The following ANKS1A variants were observed in gnomAD, a reference collection of about 807,000 sequenced individuals.
The protein encoded by ANKS1A is ankyrin repeat and SAM domain-containing protein 1A.
A neutral mutation model predicts 120.3 loss-of-function variants in ANKS1A; 55 were observed. The ratio of observed to expected loss-of-function variants is 0.46; its 90% CI spans 0.37 to 0.57. ANKS1A has a LOEUF of 0.57. ANKS1A is among the 20% of genes least tolerant of loss of function. The pLI is 0.00. For missense variants in ANKS1A, 1,123 were observed against 1,480.3 expected (o/e 0.76, Z 3.96); for synonymous variants, 590 against 604.7 (o/e 0.98, Z 0.36).
chr6:35,083,003 T>G (rs911679777), intron 18 of ANKS1A, 152 bp from the exon 19 acceptor site: 1 of 1,248,878 alleles, frequency 8.0e-7, no homozygotes, highest in Admixed American at 2.4e-5. Context: ...AGCTAGGGAG[T>G]TGAATGGAGG....
intron 23 of ANKS1A, among the ~76,000 whole-genome samples, chr6:35,087,413 C>G (rs9380488): frequency 0.043 from 6,532 of 152,258 alleles, 293 homozygotes; most frequent in East Asian, 0.23. Context: ...AGCAGGATCC[C>G]AACGGCACTG....
chr6:35,053,992 G>C, intron 11 of ANKS1A, 107 bp from the exon 12 acceptor site: 1 of 849,588 alleles, frequency 1.2e-6, no homozygotes, highest in East Asian at 2.6e-5. Context: ...GTCCTGGGAA[G>C]CATCTGAAAG....
At chr6:35,020,769 C>T (rs757022628) in intron 11 of ANKS1A, among the ~76,000 whole-genome samples, 6 of 152,102 alleles carry the variant, frequency 3.9e-5, no homozygotes, top group Non-Finnish European at 7.3e-5. Context: ...CTCTTTGCAT[C>T]GAGAGGAGTT....
At position 35,017,832 on chromosome 6, in the gene ANKS1A, G is replaced by C; in HGVS notation, c.1783G>C (p.Ala595Pro). 2 of 1,614,220 alleles carry C rather than the reference G, an allele frequency of 1.2e-6. No individual in the cohort carries two copies. Among genetic ancestry groups the C allele is most frequent in the African/African-American group, 2.7e-5 (2 of 75,060 alleles). ...THTASPHPGG[A>P]EEGDRSGARS... ...CACAGCATCTCCGCACCCTGGTGGT[G>C]CTGAGGAAGGAGACCGGAGTGGGGC... is the stretch of plus-strand genomic sequence containing the variant. Residue 595 changes from alanine (A) to proline (P), a missense_variant, in exon 11 of 24, where the codon GCT (alanine) becomes CCT (proline). Coordinates refer to ENST00000360359, the MANE Select transcript of ANKS1A (RefSeq NM_015245.3).
intron 19 of ANKS1A, 80 bp downstream of exon 19, chr6:35,083,306 C>G (rs891752081): frequency 1.3e-6 from 2 of 1,595,926 alleles, no homozygotes; most frequent in Admixed American, 3.3e-5. Context: ...CTGCAGTTGC[C>G]TGGGCCCTGC....
chr6:34,991,521 G>A (rs1772507216), intron 9 of ANKS1A, among the ~76,000 whole-genome samples: 1 of 138,436 alleles, frequency 7.2e-6, no homozygotes, highest in African/African-American at 2.7e-5. Flanking sequence ...TTTCCACATA[G>A]CCGGGAAAAA....
intron 10 of ANKS1A, among the ~76,000 whole-genome samples, chr6:34,998,928 C>A (rs558217206): frequency 3.3e-4 from 50 of 152,316 alleles, no homozygotes; most frequent in Admixed American, 8.5e-4. Flanking sequence ...AACATCCCTG[C>A]GGGGGACTCC....
At position 35,049,198 on chromosome 6, in the gene ANKS1A, C is replaced by T. The variant is rs982949568; in HGVS notation, c.2011-4901C>T. ...CCAGCAACTCAGAGAGTCAGAAAAA[C>T]GTAAAAATGAGGAGGGAAAGGGAGT... On this transcript the variant is annotated intron_variant, in intron 11 of 23. Transcript: ENST00000360359. Among the ~76,000 whole-genome samples, 9 of 152,176 alleles carry T rather than the reference C, an allele frequency of 5.9e-5. No homozygotes were observed. The South Asian group carries it at 1.9e-3, about 32-fold the overall frequency.
In ANKS1A at chr6:34,968,209, G is replaced by A. The variant is rs528527971; in HGVS notation, c.278+890G>A. Among the ~76,000 whole-genome samples, 15 of 152,220 alleles carry A rather than the reference G, an allele frequency of 9.9e-5. No individual in the cohort carries two copies. The South Asian group carries it at 2.9e-3, about 29-fold the overall frequency. ...GAACTGGGTGGGATTTGTGTGGAAC[G>A]TTCTCTGGAGGAGGCATGCTTTGGG... On this transcript the variant is annotated intron_variant, in intron 2 of 23. Transcript: ENST00000360359.
intron 1 of ANKS1A, among the ~76,000 whole-genome samples, chr6:34,896,918 C>T (rs1561834357): frequency 6.6e-6 from 1 of 151,852 alleles, no homozygotes; most frequent in African/African-American, 2.4e-5. Flanking sequence ...GAGCCAAGAT[C>T]GTGCCATTGC....
intron 10 of ANKS1A, among the ~76,000 whole-genome samples, chr6:35,000,215 T>TG (rs1030643069): frequency 6.6e-6 from 1 of 151,296 alleles, no homozygotes; most frequent in African/African-American, 2.4e-5. Flanking sequence ...ATGGCCCAGA[T>TG]GCATTCAATC....
chr6:35,004,064 TTC>T (rs1216096174), intron 10 of ANKS1A, among the ~76,000 whole-genome samples: 3 of 152,170 alleles, frequency 2.0e-5, no homozygotes, highest in Non-Finnish European at 4.4e-5. Flanking sequence ...TCCCGGTCTG[TTC>T]TGTTTCACTC....
chr6:35,063,697 G>A (rs553613626), intron 13 of ANKS1A, among the ~76,000 whole-genome samples: 3 of 152,304 alleles, frequency 2.0e-5, no homozygotes, highest in African/African-American at 4.8e-5. Context: ...GAGTGTAATC[G>A]TTTTTCTCCA....
Position 35,077,726 on chromosome 6 carries a change from C to T in ANKS1A, c.2185-832C>T, listed in dbSNP as rs116473718. 2.1e-3 allele frequency among the ~76,000 whole-genome samples: 319 copies of T among 152,312 alleles called. 2 individuals are homozygous for T. The highest frequency in any genetic ancestry group is 3.5e-3 in the Admixed American group (54 of 15,302). ...GCTGCCCAGGGTCCCCTCTTAGCTC[C>T]ACCACTAGATGTGTGATGTCAAGAA... On this transcript the variant is annotated intron_variant, in intron 13 of 23. Coordinates refer to ENST00000360359, the MANE Select transcript of ANKS1A (RefSeq NM_015245.3).
In ANKS1A at chr6:35,083,504, G is replaced by A; in HGVS notation, c.2994+1G>A. ...CAAGTTCATCGATGCCTCCAACAAGGTGTGCTGCTTACAGGGACTCTTGGT... is the reference window on the plus strand; with the variant it reads ...CAAGTTCATCGATGCCTCCAACAAGATGTGCTGCTTACAGGGACTCTTGGT... On this transcript the variant is annotated splice_donor_variant, in intron 20 of 23. Coordinates refer to ENST00000360359, the MANE Select transcript of ANKS1A (RefSeq NM_015245.3). LOFTEE classifies it high-confidence loss of function. 6.2e-7 allele frequency: 1 copy of A among 1,613,876 alleles called. No homozygotes were observed. The highest frequency in any genetic ancestry group is 8.5e-7 in the Non-Finnish European group (1 of 1,179,810).
intron 1 of ANKS1A, among the ~76,000 whole-genome samples, chr6:34,920,233 A>C (rs1439123026): frequency 1.3e-5 from 2 of 151,542 alleles, no homozygotes; most frequent in Non-Finnish European, 2.9e-5. Flanking sequence ...TTTATTTTTT[A>C]GAGACAAGGT....
intron 1 of ANKS1A, among the ~76,000 whole-genome samples, chr6:34,925,887 T>TACA (rs1291913264): frequency 6.6e-6 from 1 of 152,142 alleles, no homozygotes; most frequent in African/African-American, 2.4e-5. Flanking sequence ...ATGCTATAAA[T>TACA]TTCATACAGC....
Position 35,091,229 on chromosome 6 carries a change from C to G in ANKS1A, c.*2620C>G, listed in dbSNP as rs1778290530. The stretch of plus-strand genomic sequence containing the variant: ...AAATTGTTAATCTGTCTGATTTTGT[C>G]TGAATTATAAACACTTTGAGGTACC... On this transcript the variant is annotated 3_prime_UTR_variant, in exon 24 of 24. Transcript: ENST00000360359. The G allele has an allele frequency of 1.0e-6, 1 of 985,840 alleles. No homozygotes were observed. The highest frequency in any genetic ancestry group is 1.2e-6 in the Non-Finnish European group (1 of 829,914). 61.1% of individuals were successfully genotyped at this position (985,840 alleles called of 1,614,324 possible).
At chr6:34,899,923 T>G (rs934683457) in intron 1 of ANKS1A, among the ~76,000 whole-genome samples, 1 of 152,244 alleles carries the variant, frequency 6.6e-6, no homozygotes, top group Non-Finnish European at 1.5e-5. Flanking sequence ...CAGCCCATAC[T>G]GTAGTATTTG....
Sources: gnomAD v4.1 joint callset for allele counts (sites outside exome capture counted in the v4.1 genomes callset) on GRCh38, gnomAD v4.1.1 for gene constraint, MANE v1.5 for transcripts, NCBI Gene and HGNC (gene_info 2026-07-23, HGNC 2026-07-21) for gene names.